Variants in SHOX observed in about 807,000 individuals in gnomAD.
SHOX encodes the protein SHOX homeobox, also known as short stature homeobox protein.
SHOX carries 12 observed loss-of-function variants against 29.6 expected under a neutral mutation model. The ratio of observed to expected loss-of-function variants is 0.41; its 90% CI spans 0.26 to 0.66. The LOEUF is 0.66. Among genes scored for constraint, SHOX ranks in the 30% least tolerant of loss-of-function variants. The probability of loss-of-function intolerance (pLI) is 0.35; values close to 1 mark genes in which losing one functional copy is unlikely to be tolerated. For synonymous variants in SHOX, 214 were observed against 200.6 expected (o/e 1.07, Z -0.57); for missense variants, 499 against 437.7 (o/e 1.14, Z -1.25).
At chrX:654,202 C>T (rs183253408), downstream of SHOX, among the ~76,000 whole-genome samples, 33 of 151,822 alleles carry the variant, frequency 2.2e-4, no homozygotes, top group African/African-American at 7.5e-4. Flanking sequence ...CTTTTGGAGG[C>T]GAAACAGCCA....
chrX:644,575 A>G lies in SHOX; in HGVS notation c.818A>G (p.Asn273Ser). The change falls in exon 5 of 5, where the codon AAT becomes AGT. Residue 273 changes from asparagine (N) to serine (S), a missense_variant. Asn to Ser is a conservative substitution (Grantham distance 46, BLOSUM62 1). Transcript: ENST00000686671. ...GCCGCCGCCAAAAGCAACAGCAAGA[A>G]TTCCAGCATCGCCGACCTGCGGCTC... ...VAAAAKSNSK[N>S]SSIADLRLKA... 1 of 1,516,238 alleles carries G rather than the reference A, an allele frequency of 6.6e-7. No individual in the cohort carries two copies. The highest frequency in any genetic ancestry group is 8.8e-7 in the Non-Finnish European group (1 of 1,138,848). 93.9% of individuals were successfully genotyped at this position (1,516,238 alleles called of 1,614,324 possible).
chrX:655,596 C>T (rs1251529885), downstream of SHOX, among the ~76,000 whole-genome samples: 1 of 68,810 alleles, frequency 1.5e-5, no homozygotes, highest in Non-Finnish European at 2.7e-5. Flanking sequence ...CTCTCTCTCT[C>T]TCTCTCTCTC....
chrX:644,379 C>T lies in SHOX; in HGVS notation c.634-12C>T. On this transcript the variant is annotated splice_polypyrimidine_tract_variant and intron_variant, in intron 4 of 4. Coordinates refer to ENST00000686671, the MANE Select transcript of SHOX (RefSeq NM_000451.4). ...ATCCTGCGCCCTCACCCCGCCGGGT[C>T]CGCTCCCGCAGGTCCAGGCTCAGCT... is the stretch of plus-strand genomic sequence containing the variant. 1.3e-6 allele frequency: 2 copies of T among 1,518,868 alleles called. No individual in the cohort carries two copies. Among genetic ancestry groups the T allele is most frequent in the Non-Finnish European group, 1.8e-6 (2 of 1,140,856 alleles). 94.1% of individuals were successfully genotyped at this position (1,518,868 alleles called of 1,614,324 possible).
chrX:630,738 G>A, upstream of SHOX: 2 of 894,650 alleles, frequency 2.2e-6, no homozygotes, highest in East Asian at 4.9e-5. Flanking sequence ...GCAGCGCATG[G>A]GGGGCTGGGC....
At chrX:643,600 G>A (rs1156511016) in intron 4 of SHOX, among the ~76,000 whole-genome samples, 83 of 143,462 alleles carry the variant, frequency 5.8e-4, no homozygotes, top group Non-Finnish European at 1.0e-3. Flanking sequence ...AGAGGCTTGG[G>A]GACCTGGTGT....
chrX:624,649 C>A (rs1333393576), intron 1 of SHOX: 12 of 151,874 alleles, frequency 7.9e-5, no homozygotes, highest in Admixed American at 7.9e-4. Flanking sequence ...GAAAGCTTTG[C>A]CTTCTTTCCT....
intron 2 of SHOX, among the ~76,000 whole-genome samples, chrX:637,659 T>C (rs1427776643): frequency 6.6e-6 from 1 of 152,012 alleles, no homozygotes; most frequent in African/African-American, 2.4e-5. Flanking sequence ...GAGTGCGCTT[T>C]GAGGGGTCAT....
intron 5 of SHOX, among the ~76,000 whole-genome samples, chrX:657,395 A>G (rs2053162510): frequency 6.6e-6 from 1 of 152,210 alleles, no homozygotes; most frequent in African/African-American, 2.4e-5. Flanking sequence ...ACATTCTTGG[A>G]ATCACAATGC....
downstream of SHOX, among the ~76,000 whole-genome samples, chrX:654,663 C>G (rs1228620246): frequency 6.6e-6 from 1 of 152,086 alleles, no homozygotes; most frequent in African/African-American, 2.4e-5. Flanking sequence ...AGCTATTCAG[C>G]AGGCAAGAGG....
rs1395831656 is a variant in SHOX, at chrX:624,892, TTCTTTCTTTCTC to T, written c.-433+295_-433+306del. Among the ~76,000 whole-genome samples, 528 of 75,468 alleles carry T rather than the reference TTCTTTCTTTCTC, an allele frequency of 7.0e-3. 13 individuals are homozygous for T. Among genetic ancestry groups the T allele is most frequent in the Middle Eastern group, 0.012 (2 of 168 alleles). 49.5% of individuals were successfully genotyped at this position (75,468 alleles called of 152,430 possible). A position where few individuals can be genotyped will look rare whatever the true frequency, so the allele number is the denominator to read the frequency against. On this transcript the variant is annotated intron_variant, in intron 1 of 5. Transcript: ENST00000334060. ...TTTCTTTCTTTCTTTCTTTCTTTCT[TTCTTTCTTTCTC>T]TCTTCCTTTCTTTCTTTCTTTCTTT...
chrX:635,657 G>C (rs2052732724), intron 2 of SHOX, among the ~76,000 whole-genome samples: 1 of 152,170 alleles, frequency 6.6e-6, no homozygotes, highest in African/African-American at 2.4e-5. Flanking sequence ...GGGGCCTTGG[G>C]TGTGCGCAGA....
upstream of SHOX, among the ~76,000 whole-genome samples, chrX:627,317 CTAACATGT>C (rs1208817326): frequency 8.5e-5 from 13 of 152,166 alleles, no homozygotes; most frequent in Non-Finnish European, 1.9e-4. Context: ...GTCTGGATTT[CTAACATGT>C]TATCAAGCAC....
intron 1 of SHOX, among the ~76,000 whole-genome samples, chrX:633,271 T>C (rs1405821904): frequency 1.3e-5 from 2 of 152,124 alleles, no homozygotes; most frequent in African/African-American, 2.4e-5. Flanking sequence ...TGCGGGTGTT[T>C]GAGGACTTTG....
chrX:653,039 G>A (rs975586992), downstream of SHOX, among the ~76,000 whole-genome samples: 23 of 152,092 alleles, frequency 1.5e-4, no homozygotes, highest in African/African-American at 2.9e-4. Context: ...TCAGGAGTTC[G>A]AGACCAGCCT....
At position 650,761 on chromosome X, in the gene SHOX, G is replaced by C. The variant is rs2053042247; in HGVS notation, c.*6125G>C. Among the ~76,000 whole-genome samples, 1 of 139,854 alleles carries C rather than the reference G, an allele frequency of 7.2e-6. No individual in the cohort carries two copies. The highest frequency in any genetic ancestry group is 2.3e-4 in the South Asian group (1 of 4,266). 91.7% of individuals were successfully genotyped at this position (139,854 alleles called of 152,430 possible). A position where few individuals can be genotyped will look rare whatever the true frequency, so the allele number is the denominator to read the frequency against. ...CTCCAGCTTTGGGAGGTCTGGGGAGGAGAGAGGCTTTCGGTGGACACGTTT... is the reference window on the plus strand; with the variant it reads ...CTCCAGCTTTGGGAGGTCTGGGGAGCAGAGAGGCTTTCGGTGGACACGTTT... On this transcript the variant is annotated 3_prime_UTR_variant, in exon 5 of 5. Transcript: ENST00000686671.
At chrX:654,005 T>C (rs969598576), downstream of SHOX, among the ~76,000 whole-genome samples, 11 of 152,178 alleles carry the variant, frequency 7.2e-5, no homozygotes, top group African/African-American at 2.7e-4. Flanking sequence ...GTGTCGGTCG[T>C]CTACTCTACA....
Position 647,202 on chromosome X carries a change from G to A in SHOX, c.*2566G>A, listed in dbSNP as rs1185496092. On this transcript the variant is annotated 3_prime_UTR_variant, in exon 5 of 5. Transcript: ENST00000686671. ...AGCCATTCTCCTGCCTCAGCCTCCC[G>A]AGTAGCTGGGATTACAGGCACCTGC... Among the ~76,000 whole-genome samples the A allele has an allele frequency of 6.6e-6, 1 of 152,066 alleles. No homozygotes were observed.
chrX:636,230 T>C (rs977795675), intron 2 of SHOX, among the ~76,000 whole-genome samples: 1 of 146,056 alleles, frequency 6.8e-6, no homozygotes, highest in African/African-American at 2.5e-5. Flanking sequence ...ATATATAATA[T>C]ATAAATCTAT....
At position 630,838 on chromosome X, in the gene SHOX, C is replaced by A; in HGVS notation, c.-60C>A. The A allele has an allele frequency of 6.2e-7, 1 of 1,602,360 alleles. No homozygotes were observed. The highest frequency in any genetic ancestry group is 8.5e-7 in the Non-Finnish European group (1 of 1,172,370). On this transcript the variant is annotated 5_prime_UTR_variant, in exon 1 of 5. Coordinates refer to ENST00000686671, the MANE Select transcript of SHOX (RefSeq NM_000451.4). The stretch of plus-strand genomic sequence containing the variant: ...CACCCGCGCGCACGGGCCGTCCTCT[C>A]CGCGCGGGGAGACGCGCGCATCCAC...
Sources: gnomAD v4.1 joint callset for allele counts (sites outside exome capture counted in the v4.1 genomes callset) on GRCh38, gnomAD v4.1.1 for gene constraint, MANE v1.5 for transcripts, NCBI Gene and HGNC (gene_info 2026-07-23, HGNC 2026-07-21) for gene names.